LRPAP1: variants seen among roughly 807,000 people sequenced by gnomAD.
LRPAP1 encodes the protein LDL receptor related protein associated protein 1, also known as alpha-2-macroglobulin receptor-associated protein.
A neutral mutation model predicts 39.9 loss-of-function variants in LRPAP1; 41 were observed. The observed-to-expected ratio is 1.03, with a 90% CI of 0.80 to 1.33. The LOEUF is 1.33. Among genes scored for constraint, LRPAP1 ranks in the 40% most tolerant of loss-of-function variants. LRPAP1 has a pLI of 0.00. For synonymous variants in LRPAP1, 263 were observed against 212.7 expected (o/e 1.24, Z -2.06); for missense variants, 565 against 482.3 (o/e 1.17, Z -1.61).
At chr4:3,528,635 G>C (rs1290714493) in intron 1 of LRPAP1, among the ~76,000 whole-genome samples, 2 of 152,218 alleles carry the variant, frequency 1.3e-5, no homozygotes, top group Non-Finnish European at 2.9e-5. Context: ...GCCCGCGCCA[G>C]ACTGCAAGGC....
chr4:3,518,333 C>A (rs561137741), intron 4 of LRPAP1, 141 bp from the exon 5 acceptor site: 5 of 908,460 alleles, frequency 5.5e-6, no homozygotes, highest in Non-Finnish European at 8.0e-6. Flanking sequence ...CGCGGTCCTG[C>A]AGCGCCGCAG....
At chr4:3,526,641 G>T (rs1730086767) in intron 1 of LRPAP1, among the ~76,000 whole-genome samples, 1 of 152,220 alleles carries the variant, frequency 6.6e-6, no homozygotes, top group African/African-American at 2.4e-5. Context: ...CCGCGCAGGG[G>T]CACACGTTTC....
Position 3,511,425 on chromosome 4 carries a change from T to C in LRPAP1, c.*1549A>G, listed in dbSNP as rs1390534405. 1.3e-5 allele frequency: 2 copies of C among 152,062 alleles called. No homozygotes were observed. Among genetic ancestry groups the C allele is most frequent in the Non-Finnish European group, 2.9e-5 (2 of 68,060 alleles). 9.4% of individuals were successfully genotyped at this position (152,062 alleles called of 1,614,324 possible). A position where few individuals can be genotyped will look rare whatever the true frequency, so the allele number is the denominator to read the frequency against. On this transcript the variant is annotated 3_prime_UTR_variant, in exon 8 of 8. Transcript: ENST00000650182. ...TTCTGCTAGATGACAGGGCTGAGTC[T>C]CACCAACACACTGAGTACCTTAAGG...
At chr4:3,516,322 G>A in intron 5 of LRPAP1, 124 bp from the exon 6 acceptor site, 1 of 619,988 alleles carries the variant, frequency 1.6e-6, no homozygotes, top group Non-Finnish European at 2.7e-6. Context: ...CTGCATGTGT[G>A]TGAAACACGG....
intron 1 of LRPAP1, among the ~76,000 whole-genome samples, chr4:3,531,268 C>G (rs1239536591): frequency 6.6e-6 from 1 of 152,112 alleles, no homozygotes; most frequent in African/African-American, 2.4e-5. Context: ...AACCGTCTGT[C>G]GTCTGTCTGT....
intron 7 of LRPAP1, 107 bp downstream of exon 7, chr4:3,514,645 G>C: frequency 3.6e-6 from 5 of 1,377,748 alleles, no homozygotes; most frequent in Non-Finnish European, 4.9e-6. Context: ...GAAGACAGCA[G>C]CGTGGGGCCC....
At chr4:3,518,546 G>A (rs948260941) in intron 4 of LRPAP1, among the ~76,000 whole-genome samples, 2 of 152,136 alleles carry the variant, frequency 1.3e-5, no homozygotes, top group African/African-American at 4.8e-5. Flanking sequence ...ATTTGGGGAG[G>A]GTCACGAGTC....
intron 2 of LRPAP1, among the ~76,000 whole-genome samples, chr4:3,523,728 G>A (rs1054743731): frequency 8.5e-5 from 13 of 152,306 alleles, no homozygotes; most frequent in Admixed American, 5.9e-4. Flanking sequence ...GAGACAACCC[G>A]GGCGCTGCAA....
intron 1 of LRPAP1, among the ~76,000 whole-genome samples, chr4:3,531,562 G>C (rs567150917): frequency 2.0e-5 from 3 of 152,206 alleles, no homozygotes; most frequent in Non-Finnish European, 4.4e-5. Context: ...GGAAGCTGTT[G>C]TCCCGGGGGG....
At chr4:3,517,470 C>T (rs370062554) in intron 5 of LRPAP1, among the ~76,000 whole-genome samples, 1 of 152,236 alleles carries the variant, frequency 6.6e-6, no homozygotes, top group African/African-American at 2.4e-5. Context: ...TCGGAAGCTG[C>T]GTGAGTGAGG....
At position 3,512,941 on chromosome 4, in the gene LRPAP1, C is replaced by T. The variant is rs76983628; in HGVS notation, c.*33G>A. 3.5e-4 allele frequency: 552 copies of T among 1,594,488 alleles called. 4 individuals carry two copies. The African/African-American group carries it at 6.9e-3, about 20-fold the overall frequency. On this transcript the variant is annotated 3_prime_UTR_variant, in exon 8 of 8. Coordinates refer to ENST00000650182, the MANE Select transcript of LRPAP1 (RefSeq NM_002337.4). ...AAGAGCCCAGGTCCTTCACGCTGGC[C>T]TCTTCCCTGCCGGGCTGGGCTCCCC...
rs1729473251 is a variant in LRPAP1 at position 3,510,430 on chromosome 4, A to C, written c.*2544T>G. ...TACTGCACTCCAGCCTGAGGGACAGAGCAAGACCTTGTCTAAAGTGTGGCA... is the reference window on the plus strand; with the variant it reads ...TACTGCACTCCAGCCTGAGGGACAGCGCAAGACCTTGTCTAAAGTGTGGCA... On this transcript the variant is annotated 3_prime_UTR_variant, in exon 8 of 8. Transcript: ENST00000650182. 6.6e-6 allele frequency: 1 copy of C among 152,302 alleles called. No homozygotes were observed. The highest frequency in any genetic ancestry group is 1.5e-5 in the Non-Finnish European group (1 of 68,076). The allele number at this position is 152,302 out of a possible 1,614,324, so 9.4% of individuals were successfully genotyped here.
rs780281427 is a variant in LRPAP1, at chr4:3,532,405, G to A, written c.8C>T (p.Pro3Leu). The change falls in exon 1 of 8, where the codon CCG (proline) becomes CTG (leucine). Residue 3 changes from proline to leucine, a missense_variant. Pro to Leu is a moderately conservative substitution (Grantham distance 98, BLOSUM62 -3). Coordinates refer to ENST00000650182, the MANE Select transcript of LRPAP1 (RefSeq NM_002337.4). Reference sequence around the variant, plus strand: ...GCGCAGAAACGACCTGACCCTCCGCGGCGCCATCTTCCTCTGCGACTGGCG... The same window carrying A: ...GCGCAGAAACGACCTGACCCTCCGCAGCGCCATCTTCCTCTGCGACTGGCG... MA[P>L]RRVRSFLRGL... The A allele has an allele frequency of 4.5e-6, 7 of 1,571,534 alleles. No individual in the cohort carries two copies. The highest frequency in any genetic ancestry group is 5.2e-6 in the Non-Finnish European group (6 of 1,160,322).
rs747280979 is a variant in LRPAP1 at position 3,524,934 on chromosome 4, C to T, written c.322G>A (p.Glu108Lys). The change falls in exon 2 of 8, where the codon GAA becomes AAA. Residue 108 changes from glutamate to lysine, a missense_variant. Physicochemically the swap from Glu to Lys is moderately conservative, Grantham distance 56. Transcript: ENST00000650182. ...LDGLDEDGEK[E>K]ARLIRNLNVI... ...TTGAGGTTGCGTATGAGTCTCGCTT[C>T]CTTCTCCCCATCTTCGTCCAAGCCG... 6.8e-6 allele frequency: 11 copies of T among 1,614,094 alleles called. No individual in the cohort carries two copies. The highest frequency in any genetic ancestry group is 1.6e-4 in the Middle Eastern group (1 of 6,084).
At chr4:3,525,686 C>T (rs1044151876) in intron 1 of LRPAP1, among the ~76,000 whole-genome samples, 115 of 152,342 alleles carry the variant, frequency 7.5e-4, no homozygotes, top group African/African-American at 2.5e-3. Context: ...GGAACTTCCC[C>T]GCCCCACCCT....
In LRPAP1 at chr4:3,514,928, C is replaced by G. The variant is rs763172041; in HGVS notation, c.835G>C (p.Glu279Gln). The G allele has an allele frequency of 2.5e-6, 4 of 1,613,398 alleles. No individual in the cohort carries two copies. The highest frequency in any genetic ancestry group is 3.4e-6 in the Non-Finnish European group (4 of 1,179,768). Residue 279 changes from glutamate (E) to glutamine (Q), a missense_variant and splice_region_variant, in exon 7 of 8, where the codon GAG (glutamate) becomes CAG (glutamine). Glu to Gln is a conservative substitution (Grantham distance 29). Coordinates refer to ENST00000650182, the MANE Select transcript of LRPAP1 (RefSeq NM_002337.4). ...TTGGCTTCGAAGTGCTTGAGCTCCT[C>G]CTGGAACAAGGTTTCCATAGGTGAG... is the stretch of plus-strand genomic sequence containing the variant. ...LTDKELEAFR[E>Q]ELKHFEAKIE...
Position 3,517,948 on chromosome 4 carries a change from G to C in LRPAP1, c.751+86C>G, listed in dbSNP as rs1453624249. 3 of 1,489,572 alleles carry C rather than the reference G, an allele frequency of 2.0e-6. No homozygotes were observed. The South Asian group carries it at 4.0e-5, about 20-fold the overall frequency. 92.3% of individuals were successfully genotyped at this position (1,489,572 alleles called of 1,614,324 possible). A position where few individuals can be genotyped will look rare whatever the true frequency, so the allele number is the denominator to read the frequency against. On this transcript the variant is annotated intron_variant, in intron 5 of 7. Coordinates refer to ENST00000650182, the MANE Select transcript of LRPAP1 (RefSeq NM_002337.4). ...GCGTCCACAGGCCCAGGTTCCCGTC[G>C]CTACAAGCACCTGCCTGCTTGTCCC...
At chr4:3,526,044 G>A (rs951932664) in intron 1 of LRPAP1, among the ~76,000 whole-genome samples, 3 of 152,236 alleles carry the variant, frequency 2.0e-5, no homozygotes, top group Admixed American at 2.0e-4. Context: ...GAACCAGAAC[G>A]TGTCATGAGG....
intron 1 of LRPAP1, among the ~76,000 whole-genome samples, chr4:3,530,942 G>A (rs1004862465): frequency 4.6e-5 from 7 of 152,082 alleles, no homozygotes; most frequent in African/African-American, 1.2e-4. Context: ...GGGGAGGGGG[G>A]ACTCCACCCA....
Sources: allele counts gnomAD v4.1 joint callset (sites outside exome capture counted in the v4.1 genomes callset), GRCh38; gene constraint gnomAD v4.1.1; transcripts MANE v1.5; gene names NCBI Gene and HGNC (gene_info 2026-07-23, HGNC 2026-07-21).